The following PDE8B variants were observed in gnomAD, a reference collection of about 807,000 sequenced individuals.
PDE8B encodes the protein phosphodiesterase 8B, also known as high affinity cAMP-specific and IBMX-insensitive 3',5'-cyclic phosphodiesterase 8B.
PDE8B carries 26 observed loss-of-function variants against 101.3 expected under a neutral mutation model. That is an observed-to-expected ratio of 0.26 (90% CI 0.19 to 0.36). The LOEUF is 0.36. Among genes scored for constraint, PDE8B ranks in the 10% least tolerant of loss-of-function variants. The probability of loss-of-function intolerance (pLI) is 1.00; values close to 1 mark genes in which losing one functional copy is unlikely to be tolerated. For synonymous variants in PDE8B, 424 were observed against 429.3 expected (o/e 0.99, Z 0.15); for missense variants, 810 against 1,163.1 (o/e 0.70, Z 4.42).
the PDE8B span, among the ~76,000 whole-genome samples, chr5:77,122,606 C>A: frequency 3.3e-5 from 5 of 152,124 alleles, no homozygotes; most frequent in African/African-American, 1.2e-4. Context: ...TTTCCTGGAC[C>A]AATGTTGCTA....
At chr5:77,347,227 T>A (rs984484788) in intron 7 of PDE8B, among the ~76,000 whole-genome samples, 3 of 152,272 alleles carry the variant, frequency 2.0e-5, no homozygotes, top group Admixed American at 6.5e-5. Context: ...AAAGCAATCC[T>A]GTGAGTCAGG....
chr5:77,395,227 C>T (rs1298844052), intron 10 of PDE8B, among the ~76,000 whole-genome samples: 1 of 151,412 alleles, frequency 6.6e-6, no homozygotes, highest in African/African-American at 2.4e-5. Flanking sequence ...CGCCATTCTC[C>T]TGCCTCAGCC....
At chr5:77,325,994 C>T (rs1050366629) in intron 3 of PDE8B, among the ~76,000 whole-genome samples, 2 of 152,176 alleles carry the variant, frequency 1.3e-5, no homozygotes, top group Non-Finnish European at 2.9e-5. Flanking sequence ...TCCCCCCACC[C>T]TGTGTATTGC....
At chr5:77,293,173 A>G (rs1158887857) in intron 1 of PDE8B, among the ~76,000 whole-genome samples, 7 of 152,206 alleles carry the variant, frequency 4.6e-5, no homozygotes, top group Admixed American at 2.0e-4. Flanking sequence ...ATATATATGT[A>G]TAGATATGTG....
At chr5:77,342,044 G>A (rs760699932) in intron 6 of PDE8B, among the ~76,000 whole-genome samples, 8 of 152,094 alleles carry the variant, frequency 5.3e-5, no homozygotes, top group Non-Finnish European at 8.8e-5. Context: ...TCTTGCAGTT[G>A]GCTAAAATAT....
chr5:77,400,396 G>A (rs1166133981), intron 11 of PDE8B, 106 bp downstream of exon 11: 1 of 801,164 alleles, frequency 1.2e-6, no homozygotes, highest in Middle Eastern at 2.2e-4. Flanking sequence ...ACCCCAGAAT[G>A]TGGAGTGCTA....
chr5:77,169,002 G>T, the PDE8B span, among the ~76,000 whole-genome samples: 1 of 152,216 alleles, frequency 6.6e-6, no homozygotes, highest in African/African-American at 2.4e-5. Context: ...GGCCTTCTGA[G>T]TTAGTAAAAC....
intron 1 of PDE8B, among the ~76,000 whole-genome samples, chr5:77,297,266 G>C (rs1332330048): frequency 5.3e-5 from 8 of 152,260 alleles, no homozygotes; most frequent in Admixed American, 3.3e-4. Context: ...TCTTAATATA[G>C]TCAAAATGGC....
At chr5:77,420,014 C>A in intron 19 of PDE8B, 127 bp downstream of exon 19, 1 of 1,055,032 alleles carries the variant, frequency 9.5e-7, no homozygotes, top group Non-Finnish European at 1.4e-6. Flanking sequence ...TGATAAAGGG[C>A]TGAAAGGACT....
At chr5:77,274,020 C>T (rs181590803) in intron 1 of PDE8B, among the ~76,000 whole-genome samples, 13 of 152,090 alleles carry the variant, frequency 8.5e-5, no homozygotes, top group East Asian at 1.9e-4. Flanking sequence ...CAAAGTTTCT[C>T]CATGTTGGTC....
At chr5:77,317,029 T>C (rs1483461382) in intron 2 of PDE8B, among the ~76,000 whole-genome samples, 1 of 152,212 alleles carries the variant, frequency 6.6e-6, no homozygotes, top group East Asian at 1.9e-4. Flanking sequence ...CAATGATTCA[T>C]GCAATAAGAA....
chr5:77,137,006 C>T, the PDE8B span, among the ~76,000 whole-genome samples: 8 of 152,272 alleles, frequency 5.3e-5, no homozygotes, highest in Non-Finnish European at 1.0e-4. Flanking sequence ...TTTGAGAGTT[C>T]GTACAGGACA....
chr5:77,222,089 C>T (rs1189871387), intron 1 of PDE8B, among the ~76,000 whole-genome samples: 1 of 152,122 alleles, frequency 6.6e-6, no homozygotes, highest in Non-Finnish European at 1.5e-5. Context: ...AAAAGGGTAA[C>T]CTGGTGTGAA....
At chr5:77,110,709 C>T in the PDE8B span, among the ~76,000 whole-genome samples, 1,251 of 152,314 alleles carry the variant, frequency 8.2e-3, 23 homozygotes, top group African/African-American at 0.028. Flanking sequence ...GCGATGAAGT[C>T]AGCAGTTTCA....
the PDE8B span, chr5:77,106,029 C>G: frequency 6.6e-6 from 1 of 152,156 alleles, no homozygotes; most frequent in Non-Finnish European, 1.5e-5. Context: ...TCTGCCTTCA[C>G]AGTTGAGTTG....
intron 10 of PDE8B, among the ~76,000 whole-genome samples, chr5:77,382,592 C>T (rs1341667040): frequency 6.6e-6 from 1 of 152,008 alleles, no homozygotes; most frequent in East Asian, 1.9e-4. Context: ...CCACCCCACC[C>T]TCCGACAGGC....
chr5:77,261,219 T>G (rs1050247109), intron 1 of PDE8B, among the ~76,000 whole-genome samples: 1 of 152,202 alleles, frequency 6.6e-6, no homozygotes, highest in African/African-American at 2.4e-5. Flanking sequence ...GCCTGCAGTT[T>G]TTTATTAAAG....
At chr5:77,387,134 C>T (rs1282672466) in intron 10 of PDE8B, among the ~76,000 whole-genome samples, 2 of 151,788 alleles carry the variant, frequency 1.3e-5, no homozygotes, top group African/African-American at 2.4e-5. Flanking sequence ...CCACCCGCCT[C>T]GGCCGATGTA....
the PDE8B span, among the ~76,000 whole-genome samples, chr5:77,100,035 G>A: frequency 6.6e-6 from 1 of 152,206 alleles, no homozygotes; most frequent in Non-Finnish European, 1.5e-5. Context: ...AGAACTGTTA[G>A]GAAGAACTGG....
Sources: allele counts gnomAD v4.1 joint callset (sites outside exome capture counted in the v4.1 genomes callset), GRCh38; gene constraint gnomAD v4.1.1; transcripts MANE v1.5; gene names NCBI Gene and HGNC (gene_info 2026-07-23, HGNC 2026-07-21).